HIBADH: variants seen among roughly 807,000 people sequenced by gnomAD.
The protein encoded by HIBADH is 3-hydroxyisobutyrate dehydrogenase, mitochondrial.
A neutral mutation model predicts 36.1 loss-of-function variants in HIBADH; 25 were observed. The observed-to-expected ratio is 0.69, with a 90% CI of 0.50 to 0.97. The LOEUF is 0.97. Ranked by LOEUF, HIBADH falls within the 50% of genes least tolerant of loss-of-function variation. The pLI, the probability that HIBADH is intolerant of heterozygous loss-of-function variation, is 0.00. For synonymous variants in HIBADH, 160 were observed against 149.5 expected, an observed-to-expected ratio of 1.07 and a Z score of -0.51; for missense variants, 421 against 418.0, an observed-to-expected ratio of 1.01 and a Z score of -0.06.
intron 4 of HIBADH, among the ~76,000 whole-genome samples, chr7:27,573,097 T>C (rs1784652085): frequency 6.6e-6 from 1 of 152,134 alleles, no homozygotes; most frequent in Non-Finnish European, 1.5e-5. Flanking sequence ...AGCAAACGCA[T>C]AAAGGCGAAA....
At chr7:27,644,157 T>C (rs1488358910) in intron 2 of HIBADH, among the ~76,000 whole-genome samples, 2 of 152,108 alleles carry the variant, frequency 1.3e-5, no homozygotes, top group South Asian at 2.1e-4. Flanking sequence ...TGACAATCAA[T>C]TTTAGAATCT....
chr7:27,588,643 T>C (rs1784898199), intron 4 of HIBADH, among the ~76,000 whole-genome samples: 1 of 152,216 alleles, frequency 6.6e-6, no homozygotes, highest in African/African-American at 2.4e-5. Flanking sequence ...GTATAGAGTA[T>C]TTTAAAATAT....
At chr7:27,611,544 T>C (rs969059056) in intron 4 of HIBADH, among the ~76,000 whole-genome samples, 3 of 151,648 alleles carry the variant, frequency 2.0e-5, no homozygotes, top group African/African-American at 7.3e-5. Flanking sequence ...GTATCCAAAA[T>C]GGCATGACTA....
At chr7:27,642,494 T>C (rs1785976814) in intron 2 of HIBADH, among the ~76,000 whole-genome samples, 1 of 152,194 alleles carries the variant, frequency 6.6e-6, no homozygotes, top group Non-Finnish European at 1.5e-5. Flanking sequence ...ACTAGACATT[T>C]GGTAGTTACT....
intron 4 of HIBADH, among the ~76,000 whole-genome samples, chr7:27,605,606 AAAAAAAAAG>A (rs1785209933): frequency 6.7e-6 from 1 of 149,200 alleles, no homozygotes. Flanking sequence ...AAAAAAAAAA[AAAAAAAAAG>A]CCAAATGTTA....
intron 1 of HIBADH, among the ~76,000 whole-genome samples, chr7:27,654,807 T>C (rs1481116347): frequency 6.6e-6 from 1 of 151,972 alleles, no homozygotes; most frequent in African/African-American, 2.4e-5. Context: ...CACTTCAGCT[T>C]CCCAAGTAGC....
intron 7 of HIBADH, among the ~76,000 whole-genome samples, chr7:27,527,441 T>C (rs1386321612): frequency 6.6e-6 from 1 of 152,072 alleles, no homozygotes; most frequent in Non-Finnish European, 1.5e-5. Context: ...AGGAGGGAGC[T>C]GGATGAATTC....
intron 2 of HIBADH, among the ~76,000 whole-genome samples, chr7:27,634,843 G>A (rs376825424): frequency 1.2e-4 from 18 of 152,294 alleles, no homozygotes; most frequent in African/African-American, 4.1e-4. Flanking sequence ...GTGCCAATTC[G>A]GGCACTTGCC....
intron 2 of HIBADH, among the ~76,000 whole-genome samples, chr7:27,632,708 GGC>G (rs1232118873): frequency 2.0e-5 from 3 of 152,008 alleles, no homozygotes; most frequent in African/African-American, 7.3e-5. Context: ...AGGGTAAAAG[GGC>G]AAAACCCAGC....
chr7:27,599,191 C>CA (rs1785082406), intron 4 of HIBADH, among the ~76,000 whole-genome samples: 1 of 152,124 alleles, frequency 6.6e-6, no homozygotes, highest in African/African-American at 2.4e-5. Context: ...ATTAGTCCGT[C>CA]AGAGTTGTTA....
chr7:27,531,171 G>C, intron 7 of HIBADH, 21 bp downstream of exon 7: 1 of 1,601,054 alleles, frequency 6.2e-7, no homozygotes, highest in Admixed American at 1.7e-5. Flanking sequence ...CTTCTCTCTT[G>C]GGTGTCTACA....
At chr7:27,649,718 G>A (rs970405622) in intron 1 of HIBADH, 85 bp from the exon 2 acceptor site, 1 of 1,269,866 alleles carries the variant, frequency 7.9e-7, no homozygotes. Context: ...TCAATTGTTA[G>A]ATTTTTTTTT....
chr7:27,661,078 G>GTAACC (rs1190327373), intron 1 of HIBADH, among the ~76,000 whole-genome samples: 3 of 152,160 alleles, frequency 2.0e-5, no homozygotes, highest in African/African-American at 7.2e-5. Context: ...TTCTTTTAGG[G>GTAACC]TTATCTCAAA....
chr7:27,643,708 C>T (rs978802317), intron 2 of HIBADH, among the ~76,000 whole-genome samples: 3 of 152,242 alleles, frequency 2.0e-5, no homozygotes, highest in Non-Finnish European at 4.4e-5. Flanking sequence ...TACTCTCTCA[C>T]AGCTCTGGAG....
chr7:27,551,841 T>C (rs1000578198), intron 4 of HIBADH, among the ~76,000 whole-genome samples: 2 of 152,280 alleles, frequency 1.3e-5, no homozygotes, highest in African/African-American at 4.8e-5. Flanking sequence ...CAGTGTGCCA[T>C]CAAAAGAGAT....
At chr7:27,533,635 G>A (rs1483410190) in intron 6 of HIBADH, among the ~76,000 whole-genome samples, 1 of 152,138 alleles carries the variant, frequency 6.6e-6, no homozygotes, top group Non-Finnish European at 1.5e-5. Flanking sequence ...TTTCCACTGT[G>A]CCCAAGGCTT....
At chr7:27,554,299 A>C (rs1784360893) in intron 4 of HIBADH, among the ~76,000 whole-genome samples, 1 of 152,240 alleles carries the variant, frequency 6.6e-6, no homozygotes, top group Non-Finnish European at 1.5e-5. Flanking sequence ...AGTCATTTTT[A>C]AAAGCCAAAT....
chr7:27,527,013 T>TG (rs1187938129), intron 7 of HIBADH, among the ~76,000 whole-genome samples: 2 of 151,502 alleles, frequency 1.3e-5, no homozygotes, highest in African/African-American at 2.4e-5. Flanking sequence ...AACATGGGGG[T>TG]GGCAGGGAGG....
chr7:27,597,775 A>G (rs1785055738), intron 4 of HIBADH, among the ~76,000 whole-genome samples: 1 of 152,232 alleles, frequency 6.6e-6, no homozygotes, highest in South Asian at 2.1e-4. Flanking sequence ...TAAGATAGAA[A>G]ATAAAATATA....
Sources: allele counts gnomAD v4.1 joint callset (sites outside exome capture counted in the v4.1 genomes callset), GRCh38; gene constraint gnomAD v4.1.1; transcripts MANE v1.5; gene names NCBI Gene and HGNC (gene_info 2026-07-23, HGNC 2026-07-21).